CD226: variants seen among roughly 807,000 people sequenced by gnomAD.
The protein encoded by CD226 is CD226 molecule, also known as CD226 antigen.
A neutral mutation model predicts 34.9 loss-of-function variants in CD226; 24 were observed. The ratio of observed to expected loss-of-function variants is 0.69; its 90% CI spans 0.50 to 0.97. CD226 has a LOEUF of 0.97. Among genes scored for constraint, CD226 ranks in the 50% least tolerant of loss-of-function variants. CD226 has a pLI of 0.00. For missense variants in CD226, 397 were observed against 412.7 expected (o/e 0.96, Z 0.33); for synonymous variants, 148 against 147.4 (o/e 1.00, Z -0.03).
intron 2 of CD226, among the ~76,000 whole-genome samples, chr18:69,905,724 G>A (rs2055244644): frequency 6.6e-6 from 1 of 152,190 alleles, no homozygotes. Flanking sequence ...CACACAAGCA[G>A]ATAATTGCTG....
intron 4 of CD226, among the ~76,000 whole-genome samples, chr18:69,871,875 A>G (rs574961267): frequency 1.5e-4 from 23 of 152,340 alleles, no homozygotes. Context: ...GGAAGATGAC[A>G]TGCCAACCCA....
At chr18:69,917,400 T>TTCC (rs1211518598) in intron 2 of CD226, among the ~76,000 whole-genome samples, 1 of 152,158 alleles carries the variant, frequency 6.6e-6, no homozygotes, top group African/African-American at 2.4e-5. Context: ...AGCACCATCT[T>TTCC]TCCTTCCCTC....
chr18:69,951,732 T>C (rs2055855679), upstream of CD226, among the ~76,000 whole-genome samples: 1 of 152,184 alleles, frequency 6.6e-6, no homozygotes, highest in Non-Finnish European at 1.5e-5. Context: ...TATTGGCATA[T>C]ACATAGACAA....
rs1982669142 is a variant in CD226, at chr18:69,858,301, A to G, written c.*6013T>C. 1 of 152,162 alleles carries G rather than the reference A, an allele frequency of 6.6e-6. No homozygotes were observed. The highest frequency in any genetic ancestry group is 1.5e-5 in the Non-Finnish European group (1 of 68,032). 9.4% of individuals were successfully genotyped at this position (152,162 alleles called of 1,614,324 possible). On this transcript the variant is annotated 3_prime_UTR_variant, in exon 6 of 6. Transcript: ENST00000582621. ...TATATTAAACCCTGCCTTTAAGAAA[A>G]CTATCATCTGGTCGAGGAGGGACAT...
intron 2 of CD226, among the ~76,000 whole-genome samples, chr18:69,926,575 A>T (rs1031976412): frequency 1.3e-5 from 2 of 152,176 alleles, no homozygotes; most frequent in African/African-American, 4.8e-5. Context: ...ATGCCTGGCA[A>T]GTGGTAACAG....
chr18:69,908,746 A>G (rs1214505886), intron 2 of CD226, among the ~76,000 whole-genome samples: 1 of 152,240 alleles, frequency 6.6e-6, no homozygotes, highest in Non-Finnish European at 1.5e-5. Flanking sequence ...CATGTTCTTT[A>G]GCAAAATCCT....
chr18:69,872,806 T>G (rs1983616049), intron 4 of CD226, among the ~76,000 whole-genome samples: 1 of 152,192 alleles, frequency 6.6e-6, no homozygotes, highest in South Asian at 2.1e-4. Context: ...GTTCTTCCCC[T>G]TCTCAGAATC....
intron 2 of CD226, among the ~76,000 whole-genome samples, chr18:69,920,019 A>G (rs1170228493): frequency 6.6e-6 from 1 of 151,902 alleles, no homozygotes; most frequent in Non-Finnish European, 1.5e-5. Flanking sequence ...ATGTGCCACC[A>G]CACTCAGCTA....
intron 3 of CD226, among the ~76,000 whole-genome samples, chr18:69,887,410 C>T (rs972236169): frequency 3.9e-5 from 6 of 152,192 alleles, no homozygotes; most frequent in Non-Finnish European, 7.4e-5. Flanking sequence ...GACACAGTGA[C>T]ATCAGGATAA....
intron 4 of CD226, among the ~76,000 whole-genome samples, chr18:69,871,838 T>C (rs1198978090): frequency 2.0e-5 from 3 of 151,662 alleles, no homozygotes; most frequent in Non-Finnish European, 4.4e-5. Flanking sequence ...CTGGTAGGAG[T>C]GGGAAGATAA....
At chr18:69,890,383 C>T (rs1447567538) in intron 3 of CD226, among the ~76,000 whole-genome samples, 1 of 151,920 alleles carries the variant, frequency 6.6e-6, no homozygotes, top group Non-Finnish European at 1.5e-5. Flanking sequence ...ATTGCTTGAG[C>T]CCAGGACCAT....
At chr18:69,904,174 C>A (rs1409415028) in intron 2 of CD226, among the ~76,000 whole-genome samples, 1 of 152,224 alleles carries the variant, frequency 6.6e-6, no homozygotes, top group East Asian at 1.9e-4. Flanking sequence ...CCCGACAAAG[C>A]CATCATGAAG....
At chr18:69,953,753 A>T (rs1251415543) in intron 1 of CD226, among the ~76,000 whole-genome samples, 2 of 152,198 alleles carry the variant, frequency 1.3e-5, no homozygotes, top group Non-Finnish European at 2.9e-5. Context: ...TAATCCCAGT[A>T]CTTTGGGAGG....
At chr18:69,890,455 A>T (rs540097930) in intron 3 of CD226, among the ~76,000 whole-genome samples, 4 of 152,168 alleles carry the variant, frequency 2.6e-5, no homozygotes, top group African/African-American at 4.8e-5. Flanking sequence ...CCGGTCTCAA[A>T]AAATAAATAA....
intron 2 of CD226, among the ~76,000 whole-genome samples, chr18:69,936,649 C>G (rs1037301098): frequency 1.3e-5 from 2 of 152,094 alleles, no homozygotes; most frequent in African/African-American, 4.8e-5. Context: ...TACACACACA[C>G]ATGGATATAT....
chr18:69,927,363 TACACACACAC>T (rs147765877), intron 2 of CD226, among the ~76,000 whole-genome samples: 1 of 147,532 alleles, frequency 6.8e-6, no homozygotes, highest in Non-Finnish European at 1.5e-5. Context: ...ACTAAGACAC[TACACACACAC>T]ACACACACAC....
In CD226 at chr18:69,886,153, C is replaced by T. The variant is rs117171731; in HGVS notation, c.727+9548G>A. On this transcript the variant is annotated intron_variant, in intron 3 of 5. Transcript: ENST00000582621. ...AAGCCAGTCAGCCCGCATCTGAATCCCTGCCCCTCTATTTATTAGTTACCA... is the reference window on the plus strand; with the variant it reads ...AAGCCAGTCAGCCCGCATCTGAATCTCTGCCCCTCTATTTATTAGTTACCA... Among the ~76,000 whole-genome samples, 323 of 152,210 alleles carry T rather than the reference C, an allele frequency of 2.1e-3. 3 individuals carry two copies. In the East Asian group the frequency reaches 0.022, roughly 10 times the overall value.
Position 69,858,148 on chromosome 18 carries a change from T to C in CD226, c.*6166A>G, listed in dbSNP as rs1415917547. On this transcript the variant is annotated 3_prime_UTR_variant, in exon 6 of 6. Coordinates refer to ENST00000582621, the MANE Select transcript of CD226 (RefSeq NM_001303618.2). ...ATTGCAAAACTGCCAACTGAGAATA[T>C]TGATATAGATACTAACTGTATTTAT... 1 of 152,204 alleles carries C rather than the reference T, an allele frequency of 6.6e-6. No individual in the cohort carries two copies. The highest frequency in any genetic ancestry group is 2.4e-5 in the African/African-American group (1 of 41,456). 9.4% of individuals were successfully genotyped at this position (152,204 alleles called of 1,614,324 possible). A position where few individuals can be genotyped will look rare whatever the true frequency, so the allele number is the denominator to read the frequency against.
At chr18:69,883,752 A>G (rs1384601320) in intron 3 of CD226, among the ~76,000 whole-genome samples, 2 of 152,260 alleles carry the variant, frequency 1.3e-5, no homozygotes, top group Non-Finnish European at 2.9e-5. Flanking sequence ...ATGAGAATGT[A>G]TATGTTCTTA....
Sources: gnomAD v4.1 joint callset for allele counts (sites outside exome capture counted in the v4.1 genomes callset) on GRCh38, gnomAD v4.1.1 for gene constraint, MANE v1.5 for transcripts, NCBI Gene and HGNC (gene_info 2026-07-23, HGNC 2026-07-21) for gene names.